GFRA1: variants seen among roughly 807,000 people sequenced by gnomAD.
GFRA1 encodes GDNF family receptor alpha-1.
In GFRA1, 16 loss-of-function variants were observed where a neutral mutation model predicts 51.6. The ratio of observed to expected loss-of-function variants is 0.31; its 90% CI spans 0.21 to 0.47. GFRA1 has a LOEUF of 0.47. Ranked by LOEUF, GFRA1 falls within the 20% of genes least tolerant of loss-of-function variation. The pLI is 1.00. For synonymous variants in GFRA1, 270 were observed against 241.3 expected (o/e 1.12, Z -1.10); for missense variants, 530 against 594.3 (o/e 0.89, Z 1.13).
intron 4 of GFRA1, among the ~76,000 whole-genome samples, chr10:116,244,104 A>G (rs897388744): frequency 6.6e-6 from 1 of 152,136 alleles, no homozygotes; most frequent in Non-Finnish European, 1.5e-5. Flanking sequence ...TTGAAATAAT[A>G]AAACACACAA....
rs570529070 is a variant in GFRA1, at chr10:116,057,640, A to T, written c.*6758T>A. On this transcript the variant is annotated 3_prime_UTR_variant, in exon 11 of 11. Transcript: ENST00000355422. The stretch of plus-strand genomic sequence containing the variant: ...AAACTTTAAAGCAAACTCTGCAGTG[A>T]AAAGTGTTTCCCCCACTCCCTTGGG... 1 of 152,172 alleles carries T rather than the reference A, an allele frequency of 6.6e-6. No homozygotes were observed. The highest frequency in any genetic ancestry group is 2.4e-5 in the African/African-American group (1 of 41,450). The allele number at this position is 152,172 out of a possible 1,614,324, so 9.4% of individuals were successfully genotyped here.
intron 5 of GFRA1, among the ~76,000 whole-genome samples, chr10:116,198,452 G>A (rs897371359): frequency 6.6e-6 from 1 of 152,168 alleles, no homozygotes; most frequent in Non-Finnish European, 1.5e-5. Context: ...AAAAAGAACA[G>A]CTTTGTCTGT....
Position 116,221,681 on chromosome 10 carries a change from T to A in GFRA1, c.419-10036A>T, listed in dbSNP as rs371840829. Among the ~76,000 whole-genome samples the A allele has an allele frequency of 3.9e-5, 6 of 152,230 alleles. No individual in the cohort carries two copies. In the East Asian group the frequency reaches 5.8e-4, roughly 15 times the overall value. On this transcript the variant is annotated intron_variant, in intron 4 of 10. Coordinates refer to ENST00000355422, the MANE Select transcript of GFRA1 (RefSeq NM_005264.8). ...CTCAGGTGATCTGCCCACCCTGGCC[T>A]CTCAAAGTGCTGGGATTACAGGCGT...
chr10:116,192,520 G>A (rs940246529), intron 5 of GFRA1, among the ~76,000 whole-genome samples: 14 of 152,134 alleles, frequency 9.2e-5, no homozygotes, highest in Non-Finnish European at 1.6e-4. Context: ...TGAATGAATC[G>A]TCCAAGGCAA....
chr10:116,110,086 G>A (rs1957148454), intron 6 of GFRA1, among the ~76,000 whole-genome samples: 2 of 152,224 alleles, frequency 1.3e-5, no homozygotes, highest in Non-Finnish European at 2.9e-5. Context: ...GAGAGGCAGG[G>A]ATGCAGCAGG....
At chr10:116,264,117 C>CTGAGCCTCTCTTGAG (rs1486507024) in intron 4 of GFRA1, among the ~76,000 whole-genome samples, 54 of 152,122 alleles carry the variant, frequency 3.5e-4, no homozygotes, top group Non-Finnish European at 8.8e-5. Context: ...AGAGAGGCTG[C>CTGAGCCTCTCTTGAG]AGTAGGAAGG....
chr10:116,265,866 C>G (rs1307373399), intron 4 of GFRA1, among the ~76,000 whole-genome samples: 2 of 152,108 alleles, frequency 1.3e-5, no homozygotes, highest in African/African-American at 4.8e-5. Flanking sequence ...AGCCTCACCC[C>G]ACAGGAAACA....
chr10:116,066,467 CA>C (rs1955120930), intron 9 of GFRA1, among the ~76,000 whole-genome samples: 1 of 152,174 alleles, frequency 6.6e-6, no homozygotes, highest in Admixed American at 6.5e-5. Flanking sequence ...TCAACTGGAA[CA>C]ACCCTCCACT....
chr10:116,184,563 C>A (rs1962526632), intron 5 of GFRA1, among the ~76,000 whole-genome samples: 1 of 152,188 alleles, frequency 6.6e-6, no homozygotes, highest in Non-Finnish European at 1.5e-5. Context: ...GGGGTGACAT[C>A]TGGCCACCAG....
rs562194570 is a variant in GFRA1, at chr10:116,199,108, T to C, written c.433+12523A>G. 1.9e-4 allele frequency among the ~76,000 whole-genome samples: 29 copies of C among 152,278 alleles called. 2 individuals carry two copies. In the South Asian group the frequency reaches 6.0e-3, roughly 32 times the overall value. ...TCTTCTAGAGCCTTCAGAGAGAGCATGGCCTGCTGACACCTTGATTTCAGA... is the reference window on the plus strand; with the variant it reads ...TCTTCTAGAGCCTTCAGAGAGAGCACGGCCTGCTGACACCTTGATTTCAGA... On this transcript the variant is annotated intron_variant, in intron 5 of 10. Transcript: ENST00000355422.
chr10:116,264,362 C>A (rs548863138), intron 4 of GFRA1, among the ~76,000 whole-genome samples: 1 of 152,196 alleles, frequency 6.6e-6, no homozygotes, highest in Admixed American at 6.5e-5. Context: ...AGGGACCCTT[C>A]TTCTCTAACA....
At position 116,078,931 on chromosome 10, in the gene GFRA1, A is replaced by G. The variant is rs533704263; in HGVS notation, c.1197+10810T>C. Among the ~76,000 whole-genome samples the G allele has an allele frequency of 1.4e-3, 220 of 152,198 alleles. 1 individual carries two copies. The highest frequency in any genetic ancestry group is 3.6e-3 in the Admixed American group (55 of 15,288). ...TGTCTGGTGCTAGTTTTCTAATCCC[A>G]TTCAATCCCACCCCTCCTAAAGCTC... is the stretch of plus-strand genomic sequence containing the variant. On this transcript the variant is annotated intron_variant, in intron 9 of 10. Coordinates refer to ENST00000355422, the MANE Select transcript of GFRA1 (RefSeq NM_005264.8).
At chr10:116,263,630 C>T (rs965734442) in intron 4 of GFRA1, among the ~76,000 whole-genome samples, 3 of 152,054 alleles carry the variant, frequency 2.0e-5, no homozygotes, top group Non-Finnish European at 4.4e-5. Context: ...GTGGCTGGGG[C>T]GAGATCAAAA....
intron 4 of GFRA1, among the ~76,000 whole-genome samples, chr10:116,249,486 C>T (rs1394070910): frequency 1.3e-5 from 2 of 152,126 alleles, no homozygotes; most frequent in African/African-American, 2.4e-5. Flanking sequence ...TCTGATACGT[C>T]CTAAGTGCTG....
At chr10:116,173,792 G>T (rs941637989) in intron 5 of GFRA1, among the ~76,000 whole-genome samples, 3 of 152,132 alleles carry the variant, frequency 2.0e-5, no homozygotes, top group African/African-American at 7.2e-5. Flanking sequence ...AAAAAAGTCA[G>T]TTGGCCCGGC....
chr10:116,106,223 C>T (rs1457721576), intron 6 of GFRA1, among the ~76,000 whole-genome samples: 1 of 152,188 alleles, frequency 6.6e-6, no homozygotes, highest in African/African-American at 2.4e-5. Context: ...AGTCAGACTT[C>T]TGACCCTATA....
intron 6 of GFRA1, among the ~76,000 whole-genome samples, chr10:116,111,264 G>C (rs904041884): frequency 1.3e-5 from 2 of 152,182 alleles, no homozygotes; most frequent in African/African-American, 2.4e-5. Flanking sequence ...GGTCAACTTA[G>C]AGACAACAGA....
intron 5 of GFRA1, among the ~76,000 whole-genome samples, chr10:116,191,375 C>T (rs1963251970): frequency 1.3e-5 from 2 of 152,102 alleles, no homozygotes. Flanking sequence ...AAATAAGAAG[C>T]ATAATTATAA....
At chr10:116,171,863 T>A (rs1449648895) in intron 5 of GFRA1, among the ~76,000 whole-genome samples, 1 of 152,166 alleles carries the variant, frequency 6.6e-6, no homozygotes, top group Admixed American at 6.5e-5. Flanking sequence ...GGAGTCCTCA[T>A]GAGAGGTCAC....
Sources: gnomAD v4.1 joint callset for allele counts (sites outside exome capture counted in the v4.1 genomes callset) on GRCh38, gnomAD v4.1.1 for gene constraint, MANE v1.5 for transcripts, NCBI Gene and HGNC (gene_info 2026-07-23, HGNC 2026-07-21) for gene names.